METTL15: variants seen among roughly 807,000 people sequenced by gnomAD.
The protein encoded by METTL15 is methyltransferase 15, mitochondrial 12S rRNA N4-cytidine, also known as 12S rRNA N(4)-cytidine methyltransferase METTL15.
A neutral mutation model predicts 38.3 loss-of-function variants in METTL15; 34 were observed. The ratio of observed to expected loss-of-function variants is 0.89; its 90% confidence interval spans 0.68 to 1.18. METTL15 has a LOEUF of 1.18. Among genes scored for constraint, METTL15 ranks in the 50% most tolerant of loss-of-function variants. The pLI is 0.00. For missense variants in METTL15, 438 were observed against 498.4 expected, an observed-to-expected ratio of 0.88 and a Z score of 1.15; for synonymous variants, 162 against 170.9, an observed-to-expected ratio of 0.95 and a Z score of 0.41.
chr11:28,275,153 T>C (rs1169677887), intron 4 of METTL15, among the ~76,000 whole-genome samples: 1 of 150,310 alleles, frequency 6.7e-6, no homozygotes. Flanking sequence ...AAAGAAACAA[T>C]ATAAAGGATC....
At chr11:28,377,917 G>A (rs1259503011) in intron 5 of METTL15, among the ~76,000 whole-genome samples, 1 of 152,148 alleles carries the variant, frequency 6.6e-6, no homozygotes, top group Non-Finnish European at 1.5e-5. Flanking sequence ...ACCCTGCAGT[G>A]TGAGGTGTCA....
chr11:28,287,136 T>C, intron 4 of METTL15: 1 of 158,886 alleles, frequency 6.3e-6, no homozygotes, highest in Non-Finnish European at 1.3e-5. Context: ...CATATGTATA[T>C]ATATAGAGAG....
At chr11:28,343,629 C>T (rs1331694641) in intron 3 of METTL15, among the ~76,000 whole-genome samples, 2 of 152,166 alleles carry the variant, frequency 1.3e-5, no homozygotes, top group Admixed American at 6.5e-5. Context: ...GTCTGTTTGA[C>T]TAAAACTCTA....
At chr11:28,221,349 G>T (rs569082800) in intron 4 of METTL15, among the ~76,000 whole-genome samples, 1 of 152,036 alleles carries the variant, frequency 6.6e-6, no homozygotes, top group Non-Finnish European at 1.5e-5. Context: ...CCAGTTGATC[G>T]AATCGGCTAC....
intron 4 of METTL15, among the ~76,000 whole-genome samples, chr11:28,263,838 A>G (rs1420132101): frequency 6.6e-6 from 1 of 151,918 alleles, no homozygotes; most frequent in African/African-American, 2.4e-5. Flanking sequence ...TTTTATTTAC[A>G]TATTAAAAGT....
rs941936423 is a variant in METTL15, at chr11:28,333,071, C to G, written c.*2230C>G. The G allele has an allele frequency of 6.6e-6, 1 of 151,204 alleles. No individual in the cohort carries two copies. Among genetic ancestry groups the G allele is most frequent in the Non-Finnish European group, 1.5e-5 (1 of 67,904 alleles). 9.4% of individuals were successfully genotyped at this position (151,204 alleles called of 1,614,324 possible). A position where few individuals can be genotyped will look rare whatever the true frequency, so the allele number is the denominator to read the frequency against. On this transcript the variant is annotated 3_prime_UTR_variant, in exon 7 of 7. Coordinates refer to ENST00000407364, the MANE Select transcript of METTL15 (RefSeq NM_001113528.2). ...AGGAAAAAAGCATGGAATAGATTCT[C>G]CCTCAGAGTTCCAGTAGTTGCCAAC... is the stretch of plus-strand genomic sequence containing the variant.
rs566077381 is a variant in METTL15, at chr11:28,388,684, C to CT, written c.*358+26657dup. Among the ~76,000 whole-genome samples, 383 of 151,404 alleles carry CT rather than the reference C, an allele frequency of 2.5e-3. 1 individual carries two copies. Among genetic ancestry groups the CT allele is most frequent in the Middle Eastern group, 0.01 (3 of 292 alleles). On this transcript the variant is annotated intron_variant and NMD_transcript_variant, in intron 5 of 7. Coordinates refer to the METTL15 transcript ENST00000532947. ...CCATCAAAATCACAATGACACTTTT[C>CT]TTTTTTTTTATTATACTTTAACTTT...
chr11:28,207,757 T>C (rs1274778088), intron 3 of METTL15, among the ~76,000 whole-genome samples: 1 of 152,168 alleles, frequency 6.6e-6, no homozygotes, highest in Non-Finnish European at 1.5e-5. Flanking sequence ...TTTTGGATGG[T>C]AAGCTATTGA....
intron 2 of METTL15, among the ~76,000 whole-genome samples, chr11:28,110,986 C>T (rs1370265979): frequency 2.0e-5 from 3 of 152,170 alleles, no homozygotes; most frequent in Admixed American, 6.5e-5. Flanking sequence ...TAGCAGACTG[C>T]AGGAGAGCTC....
chr11:28,246,617 T>A (rs1043150871), intron 4 of METTL15, among the ~76,000 whole-genome samples: 3 of 152,164 alleles, frequency 2.0e-5, no homozygotes, highest in African/African-American at 7.2e-5. Context: ...AAGTAAATGA[T>A]CAATAGAATT....
intron 6 of METTL15, among the ~76,000 whole-genome samples, chr11:28,504,923 G>T (rs915408210): frequency 6.6e-6 from 1 of 152,164 alleles, no homozygotes; most frequent in Non-Finnish European, 1.5e-5. Context: ...TGCTTAGGAG[G>T]CAGTGGTTCA....
chr11:28,374,038 T>C (rs1850277157), intron 5 of METTL15, among the ~76,000 whole-genome samples: 2 of 152,188 alleles, frequency 1.3e-5, no homozygotes, highest in Non-Finnish European at 2.9e-5. Flanking sequence ...TCTGTTTTGG[T>C]ACCAGTGCCA....
At chr11:28,451,516 C>T (rs1312607713) in intron 6 of METTL15, among the ~76,000 whole-genome samples, 2 of 151,864 alleles carry the variant, frequency 1.3e-5, no homozygotes, top group African/African-American at 2.4e-5. Context: ...ACCCAGGAGG[C>T]GGAGCTTGCA....
chr11:28,128,602 C>T (rs779152493), intron 3 of METTL15, among the ~76,000 whole-genome samples: 16 of 151,994 alleles, frequency 1.1e-4, no homozygotes, highest in Non-Finnish European at 2.2e-4. Context: ...TTATATGAAT[C>T]TTTCGCTGTG....
intron 3 of METTL15, among the ~76,000 whole-genome samples, chr11:28,142,970 G>A (rs915517703): frequency 1.3e-5 from 2 of 152,074 alleles, no homozygotes. Flanking sequence ...AATGGAGAGA[G>A]GTGGGCAGAT....
chr11:28,203,944 T>A (rs527993301), intron 3 of METTL15, among the ~76,000 whole-genome samples: 1 of 152,190 alleles, frequency 6.6e-6, no homozygotes, highest in South Asian at 2.1e-4. Context: ...TGATGTTAAA[T>A]GACTCTAAAA....
chr11:28,129,394 T>A (rs1311530076), intron 3 of METTL15, among the ~76,000 whole-genome samples: 1 of 151,042 alleles, frequency 6.6e-6, no homozygotes, highest in African/African-American at 2.5e-5. Context: ...AATCTTCAAA[T>A]CATATAAAAT....
intron 3 of METTL15, among the ~76,000 whole-genome samples, chr11:28,168,447 A>G (rs1482289436): frequency 1.3e-5 from 2 of 151,864 alleles, no homozygotes; most frequent in East Asian, 1.9e-4. Context: ...TAGAGCAAAC[A>G]ATCAGTAGTT....
chr11:28,509,488 A>C (rs1851657116), intron 6 of METTL15, among the ~76,000 whole-genome samples: 1 of 144,730 alleles, frequency 6.9e-6, no homozygotes, highest in Admixed American at 6.9e-5. Flanking sequence ...CCTTTATTTA[A>C]AAAAAAAAAA....
Sources: gnomAD v4.1 joint callset for allele counts (sites outside exome capture counted in the v4.1 genomes callset) on GRCh38, gnomAD v4.1.1 for gene constraint, MANE v1.5 for transcripts, NCBI Gene and HGNC (gene_info 2026-07-23, HGNC 2026-07-21) for gene names.